TTC4: variants seen among roughly 807,000 people sequenced by gnomAD.
TTC4 encodes tetratricopeptide repeat domain 4.
Under a neutral mutation model 51.9 loss-of-function variants are expected in TTC4, and 36 were observed. That is an observed-to-expected ratio of 0.69 (90% confidence interval 0.53 to 0.92). TTC4 has a LOEUF of 0.92. Among genes scored for constraint, TTC4 ranks in the 40% least tolerant of loss-of-function variants. The pLI is 0.00. For synonymous variants in TTC4, 144 were observed against 164.2 expected, an observed-to-expected ratio of 0.88 and a Z score of 0.94; for missense variants, 399 against 454.6, an observed-to-expected ratio of 0.88 and a Z score of 1.11.
At chr1:54,722,516 G>A (rs12092947) in intron 4 of TTC4, among the ~76,000 whole-genome samples, 159 bp from the exon 5 acceptor site, 14,042 of 152,170 alleles carry the variant, frequency 0.092, 913 homozygotes, top group South Asian at 0.19. Context: ...GACACAAAAA[G>A]TATTCTCCCT....
intron 5 of TTC4, among the ~76,000 whole-genome samples, chr1:54,727,688 CAA>C (rs200521894): frequency 3.0e-4 from 13 of 43,610 alleles, no homozygotes; most frequent in Admixed American, 5.9e-4. Context: ...CTCATCTCTA[CAA>C]AAAAAAAAAA....
chr1:54,741,525 C>G lies in TTC4; in HGVS notation c.*12C>G. 6.2e-7 allele frequency: 1 copy of G among 1,606,296 alleles called. No individual in the cohort carries two copies. Among genetic ancestry groups the G allele is most frequent in the African/African-American group, 1.3e-5 (1 of 74,882 alleles). ...ACCAGATACGATGACTAAGCCAGGG[C>G]CCCTGGATCTCCTCCCTTACCCTCC... On this transcript the variant is annotated 3_prime_UTR_variant, in exon 10 of 10. Coordinates refer to ENST00000371281, the MANE Select transcript of TTC4 (RefSeq NM_004623.5).
At chr1:54,739,740 AAG>A (rs1645989343) in intron 9 of TTC4, among the ~76,000 whole-genome samples, 1 of 152,370 alleles carries the variant, frequency 6.6e-6, no homozygotes, top group African/African-American at 2.4e-5. Flanking sequence ...TATTAGTGTA[AAG>A]AGAGTGGTTG....
intron 5 of TTC4, among the ~76,000 whole-genome samples, chr1:54,726,746 A>G (rs1011394697): frequency 4.6e-5 from 7 of 152,212 alleles, no homozygotes; most frequent in African/African-American, 1.7e-4. Flanking sequence ...TTAGATGGCA[A>G]TACTCCCAAA....
At chr1:54,732,317 T>C (rs1331051585) in intron 7 of TTC4, among the ~76,000 whole-genome samples, 1 of 82,308 alleles carries the variant, frequency 1.2e-5, no homozygotes, top group African/African-American at 5.1e-5. Flanking sequence ...CAAGACTCTG[T>C]CTCAAAAAAA....
At chr1:54,725,522 G>A (rs1645788918) in intron 5 of TTC4, among the ~76,000 whole-genome samples, 1 of 152,152 alleles carries the variant, frequency 6.6e-6, no homozygotes, top group East Asian at 1.9e-4. Context: ...GGAAGTGAAG[G>A]CTAAGGTAGA....
At chr1:54,717,289 T>A (rs1645687878) in intron 2 of TTC4, among the ~76,000 whole-genome samples, 2 of 152,338 alleles carry the variant, frequency 1.3e-5, no homozygotes, top group South Asian at 4.1e-4. Context: ...TAATCTACCT[T>A]GTAAGATATT....
chr1:54,733,956 C>CT (rs1241843116), intron 8 of TTC4, among the ~76,000 whole-genome samples: 1 of 152,160 alleles, frequency 6.6e-6, no homozygotes, highest in South Asian at 2.1e-4. Flanking sequence ...AATTGAAACT[C>CT]TAAGTACTTC....
chr1:54,732,635 T>C (rs914326138), intron 7 of TTC4, among the ~76,000 whole-genome samples: 1 of 151,798 alleles, frequency 6.6e-6, no homozygotes, highest in Non-Finnish European at 1.5e-5. Context: ...ATTTTTTAAT[T>C]CTTTGGTAGA....
Position 54,736,505 on chromosome 1 carries a change from G to C in TTC4, c.979-1077G>C, listed in dbSNP as rs988245342. 3.9e-5 allele frequency among the ~76,000 whole-genome samples: 6 copies of C among 151,908 alleles called. No individual in the cohort carries two copies. The South Asian group carries it at 1.3e-3, about 32-fold the overall frequency. ...CCCACCTCAGTCTCCCAAGTAGCTG[G>C]GACCACAGGCGTTTGCCACCGTGCC... On this transcript the variant is annotated intron_variant, in intron 8 of 9. Coordinates refer to ENST00000371281, the MANE Select transcript of TTC4 (RefSeq NM_004623.5).
chr1:54,730,840 T>G (rs1645857269), intron 6 of TTC4, among the ~76,000 whole-genome samples: 2 of 152,016 alleles, frequency 1.3e-5, no homozygotes, highest in Admixed American at 1.3e-4. Flanking sequence ...TGCTGCTCGT[T>G]GGAGTGGAAG....
intron 8 of TTC4, among the ~76,000 whole-genome samples, chr1:54,736,524 C>T (rs780933049): frequency 2.0e-5 from 3 of 152,044 alleles, no homozygotes; most frequent in Non-Finnish European, 4.4e-5. Flanking sequence ...GCGTTTGCCA[C>T]CGTGCCCAAC....
intron 9 of TTC4, among the ~76,000 whole-genome samples, chr1:54,740,245 G>GGCCTTCAGGGT (rs1645996620): frequency 1.3e-5 from 2 of 152,216 alleles, no homozygotes. Context: ...GCCTGAAGTA[G>GGCCTTCAGGGT]GAGGAGGTGG....
Position 54,721,253 on chromosome 1 carries a change from G to T in TTC4, c.469+13G>T. Reference sequence around the variant, plus strand: ...GCAATAATAAGAGGTAAGTCTTGTGGAACTACAGTATGACATTTAAAGCTT... The same window carrying T: ...GCAATAATAAGAGGTAAGTCTTGTGTAACTACAGTATGACATTTAAAGCTT... On this transcript the variant is annotated intron_variant, in intron 4 of 9. Transcript: ENST00000371281. 1 of 1,611,848 alleles carries T rather than the reference G, an allele frequency of 6.2e-7. No individual in the cohort carries two copies. Among genetic ancestry groups the T allele is most frequent in the South Asian group, 1.1e-5 (1 of 90,986 alleles).
intron 5 of TTC4, among the ~76,000 whole-genome samples, chr1:54,727,457 A>C (rs1437076562): frequency 6.6e-6 from 1 of 152,250 alleles, no homozygotes; most frequent in Non-Finnish European, 1.5e-5. Context: ...ACAAAGCACA[A>C]GCAACAAAAG....
intron 5 of TTC4, among the ~76,000 whole-genome samples, chr1:54,723,581 C>T (rs1645768403): frequency 6.6e-6 from 1 of 152,280 alleles, no homozygotes; most frequent in South Asian, 2.1e-4. Flanking sequence ...ACTCTGGAGC[C>T]ACTGCCTGAA....
At chr1:54,738,950 T>A (rs1197273326) in intron 9 of TTC4, among the ~76,000 whole-genome samples, 1 of 152,010 alleles carries the variant, frequency 6.6e-6, no homozygotes, top group East Asian at 1.9e-4. Context: ...GGCGAGCCAC[T>A]GCACCCGGCC....
At chr1:54,729,727 GTT>G (rs71870069) in intron 6 of TTC4, among the ~76,000 whole-genome samples, 15 of 144,538 alleles carry the variant, frequency 1.0e-4, no homozygotes, top group Admixed American at 5.5e-4. Flanking sequence ...TATGGGATAG[GTT>G]TTTTTTTTTT....
chr1:54,730,681 A>C (rs896703515), intron 6 of TTC4, among the ~76,000 whole-genome samples: 2 of 152,128 alleles, frequency 1.3e-5, no homozygotes, highest in Non-Finnish European at 2.9e-5. Context: ...AGGTGACCCT[A>C]CTATTTCAGA....
Sources: gnomAD v4.1 joint callset for allele counts (sites outside exome capture counted in the v4.1 genomes callset) on GRCh38, gnomAD v4.1.1 for gene constraint, MANE v1.5 for transcripts, NCBI Gene and HGNC (gene_info 2026-07-23, HGNC 2026-07-21) for gene names.